Variants in PMM2 observed in about 807,000 individuals in gnomAD.
PMM2 encodes the protein phosphomannomutase 2, also known as mannose-6-phosphate isomerase.
In PMM2, 35 loss-of-function variants were observed where a neutral mutation model predicts 33.2. The observed-to-expected ratio is 1.06, with a 90% CI of 0.81 to 1.40. The LOEUF (loss-of-function observed/expected upper bound fraction) is 1.40. Among genes scored for constraint, PMM2 ranks in the 40% most tolerant of loss-of-function variants. PMM2 has a pLI of 0.00. For synonymous variants in PMM2, 153 were observed against 114.7 expected (o/e 1.33, Z -2.13); for missense variants, 386 against 306.0 (o/e 1.26, Z -1.95).
intron 7 of PMM2, among the ~76,000 whole-genome samples, chr16:8,844,590 G>C (rs1463671435): frequency 6.6e-6 from 1 of 152,224 alleles, no homozygotes; most frequent in Non-Finnish European, 1.5e-5. Flanking sequence ...TGCCGCTAAG[G>C]GTTATGGACC....
At chr16:8,803,669 G>C (rs1194525537) in intron 2 of PMM2, among the ~76,000 whole-genome samples, 1 of 152,066 alleles carries the variant, frequency 6.6e-6, no homozygotes, top group Non-Finnish European at 1.5e-5. Flanking sequence ...TCACTGAAGA[G>C]CTTTTTTTAA....
At chr16:8,814,588 T>C (rs2060695672) in intron 7 of PMM2, among the ~76,000 whole-genome samples, 3 of 152,184 alleles carry the variant, frequency 2.0e-5, no homozygotes. Context: ...GTTACTTATT[T>C]TCAGAATGAT....
intron 7 of PMM2, among the ~76,000 whole-genome samples, chr16:8,831,133 G>A (rs774426875): frequency 1.3e-5 from 2 of 151,652 alleles, no homozygotes; most frequent in Non-Finnish European, 1.5e-5. Context: ...GTGAGACTCC[G>A]TCTCCAAAAA....
At chr16:8,817,931 T>G (rs1415991020) in intron 7 of PMM2, among the ~76,000 whole-genome samples, 2 of 142,414 alleles carry the variant, frequency 1.4e-5, no homozygotes, top group African/African-American at 2.6e-5. Context: ...TGAGACAGAG[T>G]CTTGCTCTGT....
At chr16:8,828,300 A>C (rs954920303) in intron 7 of PMM2, among the ~76,000 whole-genome samples, 2 of 152,124 alleles carry the variant, frequency 1.3e-5, no homozygotes, top group African/African-American at 4.8e-5. Context: ...TTTCAAGGCA[A>C]GCTGTCCATG....
At chr16:8,832,162 C>A (rs991745880) in intron 7 of PMM2, 1 of 985,302 alleles carries the variant, frequency 1.0e-6, no homozygotes, top group African/African-American at 1.7e-5. Flanking sequence ...AAGAAGGCTG[C>A]ACCCCAGGAA....
chr16:8,827,399 TA>T (rs2060775225), intron 7 of PMM2, among the ~76,000 whole-genome samples: 2 of 151,170 alleles, frequency 1.3e-5, no homozygotes, highest in South Asian at 2.1e-4. Flanking sequence ...TTTTTATTTT[TA>T]TTTTTTTTTG....
intron 7 of PMM2, among the ~76,000 whole-genome samples, chr16:8,831,137 C>T (rs1364367928): frequency 6.6e-6 from 1 of 151,232 alleles, no homozygotes; most frequent in African/African-American, 2.5e-5. Flanking sequence ...GACTCCGTCT[C>T]CAAAAACAAA....
intron 7 of PMM2, among the ~76,000 whole-genome samples, chr16:8,829,859 C>G (rs1179791050): frequency 1.3e-5 from 2 of 152,230 alleles, no homozygotes; most frequent in African/African-American, 4.8e-5. Flanking sequence ...AAACACCTTC[C>G]AGAAAGAGTT....
chr16:8,834,779 C>A (rs1225514128), intron 7 of PMM2, among the ~76,000 whole-genome samples: 2 of 152,094 alleles, frequency 1.3e-5, no homozygotes, highest in African/African-American at 4.8e-5. Flanking sequence ...GAACCGCCAT[C>A]AATAAATCAA....
At chr16:8,828,514 C>T (rs114042282) in intron 7 of PMM2, among the ~76,000 whole-genome samples, 257 of 152,284 alleles carry the variant, frequency 1.7e-3, no homozygotes, top group African/African-American at 6.0e-3. Flanking sequence ...TAAGGCTAGA[C>T]ATGACACTGT....
At chr16:8,822,980 TG>T (rs2060746428) in intron 7 of PMM2, among the ~76,000 whole-genome samples, 1 of 152,082 alleles carries the variant, frequency 6.6e-6, no homozygotes, top group Non-Finnish European at 1.5e-5. Flanking sequence ...CAATCAGACA[TG>T]GGGTTACTAG....
Position 8,848,526 on chromosome 16 carries a change from G to A in PMM2, c.*701G>A, listed in dbSNP as rs1669604641. The A allele has an allele frequency of 6.5e-6, 1 of 152,944 alleles. No individual in the cohort carries two copies. 9.5% of individuals were successfully genotyped at this position (152,944 alleles called of 1,614,324 possible). On this transcript the variant is annotated 3_prime_UTR_variant, in exon 8 of 8. Transcript: ENST00000268261. Reference sequence around the variant, plus strand: ...ACCGGCTCTGTGTTCACTACACTCAGAATAGCCTGGCTGCTTCTCTGTCTC... The same window carrying A: ...ACCGGCTCTGTGTTCACTACACTCAAAATAGCCTGGCTGCTTCTCTGTCTC...
At chr16:8,812,136 A>T (rs936963884) in intron 6 of PMM2, among the ~76,000 whole-genome samples, 3 of 152,256 alleles carry the variant, frequency 2.0e-5, no homozygotes, top group African/African-American at 7.2e-5. Context: ...ATGTTTCAAC[A>T]GCAAGGAACC....
chr16:8,818,168 C>T (rs1349357588), intron 7 of PMM2, among the ~76,000 whole-genome samples: 2 of 152,196 alleles, frequency 1.3e-5, no homozygotes, highest in Admixed American at 6.5e-5. Context: ...TCCCAAAGTG[C>T]TGGGATTACA....
chr16:8,815,388 G>A (rs551681097), intron 7 of PMM2, among the ~76,000 whole-genome samples: 43 of 151,980 alleles, frequency 2.8e-4, no homozygotes, highest in African/African-American at 9.7e-4. Context: ...CTGCCACCAC[G>A]CCCGGCTAAT....
At chr16:8,802,100 A>G in intron 2 of PMM2, 190 bp downstream of exon 2, 1 of 579,194 alleles carries the variant, frequency 1.7e-6, no homozygotes, top group Non-Finnish European at 3.3e-6. Flanking sequence ...GGAGTTACTG[A>G]TGGAGAACTG....
At chr16:8,799,812 C>T (rs1002623377) in intron 1 of PMM2, among the ~76,000 whole-genome samples, 2 of 152,082 alleles carry the variant, frequency 1.3e-5, no homozygotes. Context: ...TCCCAAAGTG[C>T]TGGGATTACA....
At position 8,800,913 on chromosome 16, in the gene PMM2, C is replaced by A. The variant is rs545640740; in HGVS notation, c.67-886C>A. ...TGGCCAGGCTGATCTCGAACTCTGA[C>A]CTCAGGTGATCCACCCGCCTCGGCC... On this transcript the variant is annotated intron_variant, in intron 1 of 7. Transcript: ENST00000268261. 3.2e-4 allele frequency among the ~76,000 whole-genome samples: 48 copies of A among 152,328 alleles called. 1 individual carries two copies. The East Asian group carries it at 7.3e-3, about 23-fold the overall frequency.
Sources: allele counts gnomAD v4.1 joint callset (sites outside exome capture counted in the v4.1 genomes callset), GRCh38; gene constraint gnomAD v4.1.1; transcripts MANE v1.5; gene names NCBI Gene and HGNC (gene_info 2026-07-23, HGNC 2026-07-21).